CCDC125: variants seen among roughly 807,000 people sequenced by gnomAD.
CCDC125 encodes the protein coiled-coil domain-containing protein 125.
CCDC125 carries 43 observed loss-of-function variants against 57.4 expected under a neutral mutation model. That is an observed-to-expected ratio of 0.75 (90% CI 0.59 to 0.97). CCDC125 has a LOEUF of 0.97. Ranked by LOEUF, CCDC125 falls within the 50% of genes least tolerant of loss-of-function variation. CCDC125 has a pLI of 0.00. For synonymous variants in CCDC125, 187 were observed against 195.2 expected, an observed-to-expected ratio of 0.96 and a Z score of 0.35; for missense variants, 563 against 595.7, an observed-to-expected ratio of 0.95 and a Z score of 0.57.
At position 69,320,322 on chromosome 5, in the gene CCDC125, A is replaced by G. The variant is rs761931831; in HGVS notation, c.219T>C (p.Ser73=). ...PRKGEERNEA[S]FQYSKHKSQQ... Reference sequence around the variant, plus strand: ...GGCTCTTATGCTTGGAATACTGAAAACTCGCTTCATTTCTTTCTTCTCCCT... The same window carrying G: ...GGCTCTTATGCTTGGAATACTGAAAGCTCGCTTCATTTCTTTCTTCTCCCT... Residue 73 remains serine, a synonymous_variant, in exon 2 of 12, where the codon AGT becomes AGC. Transcript: ENST00000396496. 7 of 1,613,448 alleles carry G rather than the reference A, an allele frequency of 4.3e-6. No homozygotes were observed. Among genetic ancestry groups the G allele is most frequent in the South Asian group, 1.1e-5 (1 of 91,060 alleles).
intron 10 of CCDC125, among the ~76,000 whole-genome samples, chr5:69,285,886 G>C (rs1451023314): frequency 6.6e-6 from 1 of 152,066 alleles, no homozygotes; most frequent in Admixed American, 6.6e-5. Context: ...CTCTGCTTCC[G>C]AACAGCAAAG....
At chr5:69,290,605 GTTTCTTTTTTTTTTCTTTTT>G (rs1754257941) in intron 10 of CCDC125, among the ~76,000 whole-genome samples, 2 of 141,030 alleles carry the variant, frequency 1.4e-5, no homozygotes, top group Middle Eastern at 3.9e-3. Flanking sequence ...ACATGGCCAG[GTTTCTTTTTTTTTTCTTTTT>G]TTTCTTTTTT....
At chr5:69,325,157 C>T (rs1379852481) in intron 1 of CCDC125, among the ~76,000 whole-genome samples, 1 of 151,688 alleles carries the variant, frequency 6.6e-6, no homozygotes, top group African/African-American at 2.4e-5. Flanking sequence ...AACCCCATCT[C>T]TACTAAAAAA....
chr5:69,323,672 G>C (rs1760379330), intron 1 of CCDC125: 1 of 152,116 alleles, frequency 6.6e-6, no homozygotes, highest in Non-Finnish European at 1.5e-5. Context: ...ACCCTAGCAG[G>C]ACTCCACAGC....
At chr5:69,322,627 A>G (rs1444993615) in intron 1 of CCDC125, among the ~76,000 whole-genome samples, 3 of 151,752 alleles carry the variant, frequency 2.0e-5, no homozygotes, top group African/African-American at 7.3e-5. Flanking sequence ...CCGTGGCGCA[A>G]TCTCAGCTCA....
chr5:69,299,520 T>C (rs1346529497), intron 8 of CCDC125, among the ~76,000 whole-genome samples: 1 of 152,326 alleles, frequency 6.6e-6, no homozygotes, highest in East Asian at 1.9e-4. Flanking sequence ...TTGCCAGCCA[T>C]TGGCATTGCA....
At chr5:69,295,004 G>A in intron 8 of CCDC125, 104 bp from the exon 9 acceptor site, 1 of 780,000 alleles carries the variant, frequency 1.3e-6, no homozygotes, top group South Asian at 2.4e-5. Flanking sequence ...CTACTACTCA[G>A]GCATCTGATC....
intron 2 of CCDC125, among the ~76,000 whole-genome samples, chr5:69,318,798 A>G (rs944794968): frequency 2.0e-5 from 3 of 151,560 alleles, no homozygotes; most frequent in Admixed American, 6.6e-5. Context: ...AAGTAAAAAG[A>G]AAAAAAATGT....
chr5:69,304,439 T>C (rs1561446421), intron 6 of CCDC125, among the ~76,000 whole-genome samples: 1 of 131,578 alleles, frequency 7.6e-6, no homozygotes, highest in South Asian at 2.6e-4. Flanking sequence ...TTTTTTTTTC[T>C]TTTTGAGACG....
chr5:69,313,872 T>C, intron 3 of CCDC125, 113 bp downstream of exon 3: 1 of 899,768 alleles, frequency 1.1e-6, no homozygotes, highest in Admixed American at 1.8e-5. Context: ...ACAGAGGCCA[T>C]GTTTCCAGAA....
At chr5:69,293,136 G>C (rs953448389) in intron 9 of CCDC125, among the ~76,000 whole-genome samples, 4 of 146,906 alleles carry the variant, frequency 2.7e-5, no homozygotes, top group African/African-American at 1.0e-4. Flanking sequence ...CACTGCGCCC[G>C]GTCTTTCTTT....
intron 1 of CCDC125, among the ~76,000 whole-genome samples, chr5:69,322,377 C>T (rs1332947936): frequency 6.6e-6 from 1 of 152,058 alleles, no homozygotes; most frequent in Non-Finnish European, 1.5e-5. Context: ...ATACAATCAT[C>T]CCAAGGAATT....
At position 69,288,403 on chromosome 5, in the gene CCDC125, A is replaced by G. The variant is rs150280254; in HGVS notation, c.1100-2936T>C. Among the ~76,000 whole-genome samples, 928 of 152,318 alleles carry G rather than the reference A, an allele frequency of 6.1e-3. 11 individuals are homozygous for G. Among genetic ancestry groups the G allele is most frequent in the African/African-American group, 0.021 (887 of 41,570 alleles). ...CCAATGGCCAATGATGTAATCACCA[A>G]TGGCCAGTGATGTACCGTGTCCATG... On this transcript the variant is annotated intron_variant, in intron 10 of 11. Transcript: ENST00000396496.
rs1363279265 is a variant in CCDC125 at position 69,303,846 on chromosome 5, C to A, written c.700+1G>T. 6.4e-7 allele frequency: 1 copy of A among 1,555,836 alleles called. No homozygotes were observed. Among genetic ancestry groups the A allele is most frequent in the African/African-American group, 1.4e-5 (1 of 73,278 alleles). The stretch of plus-strand genomic sequence containing the variant: ...GCTCTTAATACAAAAATCATCATTA[C>A]CTGCATTGTCAGACTTCAGCATTTT... On this transcript the variant is annotated splice_donor_variant, in intron 7 of 11. Coordinates refer to ENST00000396496, the MANE Select transcript of CCDC125 (RefSeq NM_176816.5). LOFTEE classifies it high-confidence loss of function.
rs1757459512 is a variant in CCDC125 at position 69,307,284 on chromosome 5, C to T, written c.532-382G>A. Among the ~76,000 whole-genome samples, 3 of 152,016 alleles carry T rather than the reference C, an allele frequency of 2.0e-5. No homozygotes were observed. The South Asian group carries it at 6.2e-4, about 31-fold the overall frequency. On this transcript the variant is annotated intron_variant, in intron 5 of 11. Transcript: ENST00000396496. ...ACACACCAAGCACAGGAGACATGAC[C>T]ATCTAGGATGATTCCTAACTACCTT...
intron 1 of CCDC125, among the ~76,000 whole-genome samples, chr5:69,323,298 G>T (rs1445630767): frequency 6.7e-6 from 1 of 150,162 alleles, no homozygotes; most frequent in Admixed American, 6.7e-5. Flanking sequence ...GACAGAGAAA[G>T]ACTCCATCTC....
At chr5:69,296,914 A>G (rs1282727525) in intron 8 of CCDC125, among the ~76,000 whole-genome samples, 2 of 151,998 alleles carry the variant, frequency 1.3e-5, no homozygotes, top group African/African-American at 4.8e-5. Flanking sequence ...CAGTGAACTG[A>G]GATTGCACCA....
intron 7 of CCDC125, among the ~76,000 whole-genome samples, 198 bp from the exon 8 acceptor site, chr5:69,300,325 G>T (rs1756183221): frequency 6.6e-6 from 1 of 152,156 alleles, no homozygotes; most frequent in Admixed American, 6.6e-5. Flanking sequence ...ATGAGATGGT[G>T]TCATTTTTAA....
At chr5:69,283,084 A>C in intron 11 of CCDC125, 50 bp from the exon 12 acceptor site, 1 of 1,389,424 alleles carries the variant, frequency 7.2e-7, no homozygotes, top group Non-Finnish European at 9.8e-7. Flanking sequence ...AAATCACAGA[A>C]TATATTCAGA....
Sources: gnomAD v4.1 joint callset for allele counts (sites outside exome capture counted in the v4.1 genomes callset) on GRCh38, gnomAD v4.1.1 for gene constraint, MANE v1.5 for transcripts, NCBI Gene and HGNC (gene_info 2026-07-23, HGNC 2026-07-21) for gene names.